The following MPPE1 variants were observed in gnomAD, a reference collection of about 807,000 sequenced individuals.
MPPE1 encodes metallophosphoesterase 1.
MPPE1 carries 28 observed loss-of-function variants against 43.8 expected under a neutral mutation model. The ratio of observed to expected loss-of-function variants is 0.64; its 90% CI spans 0.47 to 0.88. The LOEUF is 0.88. MPPE1 is among the 40% of genes least tolerant of loss of function. The probability of loss-of-function intolerance (pLI) is 0.00; values close to 1 mark genes in which losing one functional copy is unlikely to be tolerated. For synonymous variants in MPPE1, 159 were observed against 188.5 expected (o/e 0.84, Z 1.28); for missense variants, 428 against 492.2 (o/e 0.87, Z 1.23).
intron 5 of MPPE1, among the ~76,000 whole-genome samples, chr18:11,888,954 C>T (rs1340558103): frequency 1.3e-5 from 2 of 152,126 alleles, no homozygotes; most frequent in Non-Finnish European, 2.9e-5. Context: ...TGCCCAGGGC[C>T]TCAGATTCCA....
chr18:11,893,566 T>A lies in MPPE1; in HGVS notation c.292A>T (p.Met98Leu), dbSNP rs761324576. Reference sequence around the variant, plus strand: ...AGAGCTGTCTGGAACGCTCTCTCCATCTGCCATTCCCTTGATGCCAATAGG... The same window carrying A: ...AGAGCTGTCTGGAACGCTCTCTCCAACTGCCATTCCCTTGATGCCAATAGG... ...WLDKLRREWQ[M>L]ERAFQTALWL... The change falls in exon 4 of 11, where the codon ATG (methionine) becomes TTG (leucine). Residue 98 changes from methionine to leucine, a missense_variant. This residue lies in a region of MPPE1 where 379 missense variants were observed against 402.5 expected (regional missense o/e 0.94). Coordinates refer to ENST00000588072, the MANE Select transcript of MPPE1 (RefSeq NM_023075.6). The A allele has an allele frequency of 3.1e-6, 5 of 1,613,988 alleles. No individual in the cohort carries two copies. The highest frequency in any genetic ancestry group is 4.2e-6 in the Non-Finnish European group (5 of 1,179,954).
Position 11,886,877 on chromosome 18 carries a change from C to T in MPPE1, c.678+40G>A, listed in dbSNP as rs768856759. The T allele has an allele frequency of 7.9e-5, 126 of 1,597,260 alleles. No individual in the cohort carries two copies. Among genetic ancestry groups the T allele is most frequent in the Non-Finnish European group, 1.0e-4 (118 of 1,167,790 alleles). On this transcript the variant is annotated intron_variant, in intron 7 of 10. Transcript: ENST00000588072. This position sits in a 1 kb window ranked among gnomAD's most constrained non-coding sequence, Gnocchi z 4.1. ...AGTGAGCAACCGAAGCGGAGCAACACGGGACAGAAGGCACCTGTGGCATTC... is the reference window on the plus strand; with the variant it reads ...AGTGAGCAACCGAAGCGGAGCAACATGGGACAGAAGGCACCTGTGGCATTC...
At chr18:11,895,678 C>A (rs28664701) in intron 3 of MPPE1, among the ~76,000 whole-genome samples, 14,081 of 152,042 alleles carry the variant, frequency 0.093, 781 homozygotes, top group African/African-American at 0.14. Context: ...CCTGCTGAGT[C>A]ACTAGGACTA....
chr18:11,904,029 T>C (rs1446588939), intron 2 of MPPE1, among the ~76,000 whole-genome samples: 3 of 152,228 alleles, frequency 2.0e-5, no homozygotes, highest in African/African-American at 7.2e-5. Context: ...GCTGCAGATC[T>C]GTATGGATTT....
chr18:11,886,469 A>G lies in MPPE1; in HGVS notation c.867+30T>C. 6.2e-7 allele frequency: 1 copy of G among 1,614,082 alleles called. No individual in the cohort carries two copies. Among genetic ancestry groups the G allele is most frequent in the Non-Finnish European group, 8.5e-7 (1 of 1,180,010 alleles). On this transcript the variant is annotated intron_variant, in intron 9 of 10. Coordinates refer to ENST00000588072, the MANE Select transcript of MPPE1 (RefSeq NM_023075.6). This position sits in a 1 kb window ranked among gnomAD's most constrained non-coding sequence, Gnocchi z 4.1. Reference sequence around the variant, plus strand: ...AAGGTGATGAGAGTCACACTGTGACATGAATTAGCATCACGACACCCTGGC... The same window carrying G: ...AAGGTGATGAGAGTCACACTGTGACGTGAATTAGCATCACGACACCCTGGC...
chr18:11,900,490 G>T (rs1451578475), intron 2 of MPPE1, among the ~76,000 whole-genome samples: 5 of 151,524 alleles, frequency 3.3e-5, no homozygotes, highest in Admixed American at 3.3e-4. Context: ...TGGGTAACAA[G>T]AGCAAAACTC....
At chr18:11,884,954 C>T in intron 10 of MPPE1, 1 of 1,292,218 alleles carries the variant, frequency 7.7e-7, no homozygotes. Context: ...TTCAGAGAGG[C>T]ACCGTGGAGT....
rs2037603361 is a variant in MPPE1, at chr18:11,888,568, C to T, written c.569+101G>A. On this transcript the variant is annotated intron_variant, in intron 6 of 10. Coordinates refer to ENST00000588072, the MANE Select transcript of MPPE1 (RefSeq NM_023075.6). The stretch of plus-strand genomic sequence containing the variant: ...TTTAAAGATCATAAACCAGGCTAAA[C>T]AGAACGCAGGTAGATGATAGATCCC... 12 of 707,748 alleles carry T rather than the reference C, an allele frequency of 1.7e-5. No individual in the cohort carries two copies. In the South Asian group the frequency reaches 2.0e-4, roughly 12 times the overall value. 43.8% of individuals were successfully genotyped at this position (707,748 alleles called of 1,614,324 possible). A position where few individuals can be genotyped will look rare whatever the true frequency, so the allele number is the denominator to read the frequency against.
At chr18:11,907,567 T>C (rs868241528) in intron 1 of MPPE1, among the ~76,000 whole-genome samples, 3 of 152,096 alleles carry the variant, frequency 2.0e-5, no homozygotes, top group Admixed American at 6.6e-5. Context: ...CACAGCTCGC[T>C]GCAGCCCCAA....
intron 2 of MPPE1, chr18:11,905,760 C>T (rs2039659033): frequency 6.6e-6 from 1 of 152,224 alleles, no homozygotes; most frequent in South Asian, 2.1e-4. Flanking sequence ...AAAGAGGAAA[C>T]CGTGAGAGCT....
At chr18:11,884,702 G>C in intron 10 of MPPE1, 75 bp from the exon 11 acceptor site, 1 of 1,483,250 alleles carries the variant, frequency 6.7e-7, no homozygotes, top group Non-Finnish European at 9.3e-7. Context: ...AAACAGCAGA[G>C]GGAAGACTGC....
chr18:11,890,620 T>C (rs1416010789), intron 4 of MPPE1, among the ~76,000 whole-genome samples: 1 of 152,202 alleles, frequency 6.6e-6, no homozygotes, highest in Non-Finnish European at 1.5e-5. Context: ...TAATGCCAAA[T>C]TTTTAAATGG....
intron 4 of MPPE1, chr18:11,893,263 T>A (rs933073697): frequency 1.9e-6 from 1 of 526,204 alleles, no homozygotes; most frequent in Admixed American, 3.5e-5. Context: ...TTAGCCAACC[T>A]AACTCAAGAT....
intron 6 of MPPE1, among the ~76,000 whole-genome samples, chr18:11,887,888 C>G (rs1217860351): frequency 6.6e-6 from 1 of 152,156 alleles, no homozygotes; most frequent in African/African-American, 2.4e-5. Context: ...CTCTGCCTTC[C>G]TGGCAGAGGG....
At chr18:11,901,907 G>T (rs2039250333) in intron 2 of MPPE1, among the ~76,000 whole-genome samples, 1 of 152,166 alleles carries the variant, frequency 6.6e-6, no homozygotes, top group Non-Finnish European at 1.5e-5. Flanking sequence ...CAGACAGAGA[G>T]GTCAAAAGCA....
intron 3 of MPPE1, among the ~76,000 whole-genome samples, chr18:11,896,498 G>A (rs1436503366): frequency 6.6e-6 from 1 of 152,190 alleles, no homozygotes; most frequent in Non-Finnish European, 1.5e-5. Flanking sequence ...TCCTTCCCCA[G>A]GGTGACAGCC....
intron 2 of MPPE1, 131 bp from the exon 3 acceptor site, chr18:11,897,487 T>A (rs1028572606): frequency 3.3e-5 from 17 of 518,566 alleles, no homozygotes; most frequent in African/African-American, 3.2e-4. Context: ...ACTTTTACAA[T>A]AATAATATGC....
intron 4 of MPPE1, among the ~76,000 whole-genome samples, chr18:11,890,055 G>A (rs541977805): frequency 5.9e-5 from 9 of 151,388 alleles, no homozygotes; most frequent in Non-Finnish European, 1.2e-4. Flanking sequence ...CCATTCTCCT[G>A]CCTCAGCCTC....
At chr18:11,900,860 T>G (rs999543664) in intron 2 of MPPE1, among the ~76,000 whole-genome samples, 1 of 148,954 alleles carries the variant, frequency 6.7e-6, no homozygotes, top group Non-Finnish European at 1.5e-5. Context: ...TGAGCCGAGA[T>G]TGCGCCACTG....
Sources: gnomAD v4.1 joint callset for allele counts (sites outside exome capture counted in the v4.1 genomes callset) on GRCh38, gnomAD v4.1.1 for gene constraint, gnomAD v4.1.1 regional missense constraint, Gnocchi (gnomAD v3.1) non-coding constraint, MANE v1.5 for transcripts, NCBI Gene and HGNC (gene_info 2026-07-23, HGNC 2026-07-21) for gene names.